Variants in GPHN observed in about 807,000 individuals in gnomAD.
GPHN encodes gephyrin.
A neutral mutation model predicts 95.5 loss-of-function variants in GPHN; 17 were observed. The ratio of observed to expected loss-of-function variants is 0.18; its 90% CI spans 0.12 to 0.27. The LOEUF (loss-of-function observed/expected upper bound fraction) is 0.27, where lower values mean the gene tolerates loss of function less well. Among genes scored for constraint, GPHN ranks in the 10% least tolerant of loss-of-function variants. GPHN has a pLI of 1.00. For synonymous variants in GPHN, 320 were observed against 322.5 expected, an observed-to-expected ratio of 0.99 and a Z score of 0.08; for missense variants, 660 against 978.1, an observed-to-expected ratio of 0.67 and a Z score of 4.34.
At chr14:67,132,156 A>G (rs2079758802) in intron 17 of GPHN, among the ~76,000 whole-genome samples, 1 of 152,218 alleles carries the variant, frequency 6.6e-6, no homozygotes, top group Non-Finnish European at 1.5e-5. Flanking sequence ...CTGAGATAGA[A>G]AATTGGGTTC....
chr14:66,884,018 T>TA (rs747681192), intron 5 of GPHN, among the ~76,000 whole-genome samples: 194 of 152,176 alleles, frequency 1.3e-3, no homozygotes, highest in Non-Finnish European at 2.0e-3. Context: ...AGAGGTTTCT[T>TA]ACAGAGTATT....
the GPHN span, among the ~76,000 whole-genome samples, chr14:67,602,904 A>G: frequency 4.6e-5 from 7 of 152,238 alleles, no homozygotes; most frequent in African/African-American, 7.2e-5. Context: ...TTTGATAACC[A>G]TATTTTAATT....
chr14:67,544,145 A>C, the GPHN span, among the ~76,000 whole-genome samples: 1 of 152,222 alleles, frequency 6.6e-6, no homozygotes, highest in Non-Finnish European at 1.5e-5. Context: ...CAGGAATATT[A>C]AAGGGCTTAC....
the GPHN span, among the ~76,000 whole-genome samples, chr14:67,230,941 C>T: frequency 6.6e-6 from 1 of 152,180 alleles, no homozygotes; most frequent in Non-Finnish European, 1.5e-5. Flanking sequence ...CACACCATCC[C>T]ACCTGGAACA....
chr14:67,039,451 G>A (rs2074589301), intron 10 of GPHN, among the ~76,000 whole-genome samples: 1 of 152,106 alleles, frequency 6.6e-6, no homozygotes, highest in East Asian at 1.9e-4. Context: ...CCTGATTTGT[G>A]TGTTCCTTGA....
chr14:67,678,539 C>T, the GPHN span: 1 of 647,434 alleles, frequency 1.5e-6, no homozygotes, highest in African/African-American at 1.8e-5. Flanking sequence ...CCATGTACTT[C>T]ACAGGGCCAG....
intron 1 of GPHN, among the ~76,000 whole-genome samples, chr14:66,599,098 A>C (rs1041177655): frequency 6.6e-6 from 1 of 151,918 alleles, no homozygotes; most frequent in South Asian, 2.1e-4. Flanking sequence ...AATTTTATGC[A>C]TTTTTTTCCA....
intron 9 of GPHN, among the ~76,000 whole-genome samples, chr14:67,000,771 A>G (rs2072160860): frequency 6.6e-6 from 1 of 151,644 alleles, no homozygotes; most frequent in Admixed American, 6.6e-5. Flanking sequence ...TGACATACAT[A>G]TTAGTAGCTA....
At chr14:67,579,201 C>T in the GPHN span, 6 of 1,610,922 alleles carry the variant, frequency 3.7e-6, no homozygotes, top group African/African-American at 1.3e-5. Flanking sequence ...GACCGGGGAG[C>T]GGGAAGCCAG....
At chr14:66,570,546 T>A (rs2060645613) in intron 1 of GPHN, among the ~76,000 whole-genome samples, 2 of 151,742 alleles carry the variant, frequency 1.3e-5, no homozygotes, top group Admixed American at 1.3e-4. Flanking sequence ...TCTCAGGCGA[T>A]CCACCTGCCT....
At chr14:66,548,164 A>T in intron 1 of GPHN, among the ~76,000 whole-genome samples, 1 of 143,792 alleles carries the variant, frequency 7.0e-6, no homozygotes. Flanking sequence ...GTGATTTTTG[A>T]TGTTACTATT....
chr14:66,538,209 C>T (rs778225499), intron 1 of GPHN, among the ~76,000 whole-genome samples: 2 of 151,970 alleles, frequency 1.3e-5, no homozygotes, highest in African/African-American at 2.4e-5. Flanking sequence ...AAGGAGTGTG[C>T]GTTTTTTTGG....
At chr14:66,824,168 T>C (rs2061310509) in intron 3 of GPHN, among the ~76,000 whole-genome samples, 1 of 152,216 alleles carries the variant, frequency 6.6e-6, no homozygotes, top group Non-Finnish European at 1.5e-5. Context: ...TTTGAATGGC[T>C]GAAAAGAACT....
chr14:67,439,554 T>TTTC, the GPHN span, among the ~76,000 whole-genome samples: 98 of 72,668 alleles, frequency 1.3e-3, 2 homozygotes, highest in South Asian at 0.038. Context: ...TCTTTCTTTC[T>TTTC]TTCTTTCTTT....
chr14:66,715,043 A>G (rs1167267205), intron 2 of GPHN, among the ~76,000 whole-genome samples: 2 of 152,126 alleles, frequency 1.3e-5, no homozygotes, highest in East Asian at 3.9e-4. Context: ...AATAGTATCA[A>G]TAGGATAGGT....
intron 1 of GPHN, among the ~76,000 whole-genome samples, chr14:66,511,274 C>CA (rs2058031874): frequency 6.6e-6 from 1 of 152,064 alleles, no homozygotes; most frequent in African/African-American, 2.4e-5. Context: ...TGCAGTTTTA[C>CA]TATGTAGAAT....
chr14:66,855,448 A>G (rs1304039148), intron 4 of GPHN, among the ~76,000 whole-genome samples: 3 of 152,144 alleles, frequency 2.0e-5, no homozygotes, highest in Non-Finnish European at 4.4e-5. Context: ...ATGTTGTAGT[A>G]TATATCAGAA....
At chr14:66,694,553 C>T (rs2067997576) in intron 2 of GPHN, among the ~76,000 whole-genome samples, 1 of 152,096 alleles carries the variant, frequency 6.6e-6, no homozygotes, top group African/African-American at 2.4e-5. Flanking sequence ...ACCTTACACC[C>T]TTAAAAAAGT....
chr14:66,834,406 CTGT>C (rs1325572487), intron 4 of GPHN, among the ~76,000 whole-genome samples: 1 of 152,086 alleles, frequency 6.6e-6, no homozygotes, highest in Non-Finnish European at 1.5e-5. Flanking sequence ...GCATTTAAGA[CTGT>C]TAAGTTTTGA....
Sources: gnomAD v4.1 joint callset for allele counts (sites outside exome capture counted in the v4.1 genomes callset) on GRCh38, gnomAD v4.1.1 for gene constraint, MANE v1.5 for transcripts, NCBI Gene and HGNC (gene_info 2026-07-23, HGNC 2026-07-21) for gene names.